Variants in NHSL2 observed in about 807,000 individuals in gnomAD.
The protein encoded by NHSL2 is NHS-like protein 2.
In NHSL2, 27 loss-of-function variants were observed where a neutral mutation model predicts 53.4. The observed-to-expected ratio is 0.51, with a 90% CI of 0.37 to 0.70. The LOEUF (loss-of-function observed/expected upper bound fraction) is 0.70, where lower values mean the gene tolerates loss of function less well. Ranked by LOEUF, NHSL2 falls within the 30% of genes least tolerant of loss-of-function variation. The pLI is 0.00. For synonymous variants in NHSL2, 408 were observed against 404.1 expected (o/e 1.01, Z -0.12); for missense variants, 892 against 980.1 (o/e 0.91, Z 1.20).
At chrX:72,011,140 C>A (rs748113521) in intron 1 of NHSL2, among the ~76,000 whole-genome samples, 1 of 112,029 alleles carries the variant, frequency 8.9e-6, no homozygotes, top group Non-Finnish European at 1.9e-5. Context: ...TAATCTGCTC[C>A]TTTTTATTGC....
At chrX:72,087,676 C>A (rs1477838147) in intron 1 of NHSL2, among the ~76,000 whole-genome samples, 1 of 109,321 alleles carries the variant, frequency 9.1e-6, no homozygotes, top group African/African-American at 3.3e-5. Flanking sequence ...TCAAGACCAG[C>A]CTGGCCAACA....
intron 1 of NHSL2, chrX:72,069,726 A>C (rs776960047): frequency 2.1e-6 from 2 of 931,961 alleles, no homozygotes; most frequent in African/African-American, 4.1e-5. Context: ...GAGGAGTAAA[A>C]GCCAAAGCAG....
intron 1 of NHSL2, among the ~76,000 whole-genome samples, chrX:72,089,052 G>T (rs2041874614): frequency 9.0e-6 from 1 of 110,967 alleles, no homozygotes; most frequent in South Asian, 3.8e-4. Context: ...GTCCTCCAGG[G>T]ACTTATATTC....
chrX:72,084,884 G>A (rs186892307), intron 1 of NHSL2, among the ~76,000 whole-genome samples: 111 of 111,615 alleles, frequency 9.9e-4, no homozygotes, highest in African/African-American at 3.3e-3. Context: ...TCCAGTCACC[G>A]GGCTTACAGG....
rs1231283924 is a variant in NHSL2 at position 72,084,209 on chromosome X, G to C, written c.281-47870G>C. On this transcript the variant is annotated intron_variant, in intron 1 of 7. Transcript: ENST00000633930. ...TTATAAGAAAAGCTTGAGAAGAGAGGGGGAGAGAGAATATAACTGTGAGTG... is the reference window on the plus strand; with the variant it reads ...TTATAAGAAAAGCTTGAGAAGAGAGCGGGAGAGAGAATATAACTGTGAGTG... Among the ~76,000 whole-genome samples, 3 of 111,981 alleles carry C rather than the reference G, an allele frequency of 2.7e-5. No homozygotes were observed. The East Asian group carries it at 8.4e-4, about 31-fold the overall frequency.
At chrX:71,918,122 A>G (rs1359251327) in intron 1 of NHSL2, among the ~76,000 whole-genome samples, 2 of 111,599 alleles carry the variant, frequency 1.8e-5, no homozygotes, top group South Asian at 3.8e-4. Context: ...AAGGCTAGAC[A>G]GAGCAGGAGG....
At chrX:71,980,629 A>G (rs1261794312) in intron 1 of NHSL2, among the ~76,000 whole-genome samples, 2 of 107,886 alleles carry the variant, frequency 1.9e-5, no homozygotes, top group African/African-American at 3.4e-5. Flanking sequence ...ATATGTGCAT[A>G]AGGATAAGTT....
At chrX:72,065,726 G>A (rs767460750) in intron 1 of NHSL2, among the ~76,000 whole-genome samples, 1 of 112,194 alleles carries the variant, frequency 8.9e-6, no homozygotes, top group African/African-American at 3.2e-5. Context: ...ATGGAAGCTG[G>A]GGAGGTTAAG....
At chrX:72,069,824 C>A in intron 1 of NHSL2, 1 of 566,738 alleles carries the variant, frequency 1.8e-6, no homozygotes, top group Non-Finnish European at 2.4e-6. Flanking sequence ...CCATGCGGGG[C>A]CCCTGACCCT....
chrX:71,954,306 A>G (rs1323819680), intron 1 of NHSL2, among the ~76,000 whole-genome samples: 1 of 112,079 alleles, frequency 8.9e-6, no homozygotes, highest in Non-Finnish European at 1.9e-5. Context: ...CTTGCCCACC[A>G]TCACACAGCA....
At chrX:72,015,834 GT>G (rs1454301899) in intron 1 of NHSL2, among the ~76,000 whole-genome samples, 1 of 111,774 alleles carries the variant, frequency 8.9e-6, no homozygotes, top group African/African-American at 3.3e-5. Flanking sequence ...ATTTTGAGTT[GT>G]TTACCTTTTT....
intron 1 of NHSL2, among the ~76,000 whole-genome samples, chrX:71,959,378 A>G (rs2041857765): frequency 8.9e-6 from 1 of 112,944 alleles, no homozygotes; most frequent in Non-Finnish European, 1.9e-5. Context: ...GAGTCTTACT[A>G]GTATATTTCT....
At chrX:72,049,673 T>A (rs1467607834) in intron 1 of NHSL2, among the ~76,000 whole-genome samples, 1 of 108,614 alleles carries the variant, frequency 9.2e-6, no homozygotes, top group Non-Finnish European at 1.9e-5. Flanking sequence ...ATCACCCTTT[T>A]ACTGCCAGTG....
chrX:71,954,842 G>T (rs1267586733), intron 1 of NHSL2, among the ~76,000 whole-genome samples: 1 of 112,555 alleles, frequency 8.9e-6, no homozygotes, highest in Non-Finnish European at 1.9e-5. Context: ...GCCTAAAGCA[G>T]AAGCAAAGGC....
intron 1 of NHSL2, among the ~76,000 whole-genome samples, chrX:72,072,452 C>A (rs770330532): frequency 9.0e-6 from 1 of 111,572 alleles, no homozygotes; most frequent in Non-Finnish European, 1.9e-5. Flanking sequence ...ATGATTGGGC[C>A]CCTCCTACTT....
chrX:71,950,238 A>C lies in NHSL2; in HGVS notation c.280+38871A>C, dbSNP rs928606552. Reference sequence around the variant, plus strand: ...GCCGAGCTGTCCATCTGGCCCAGGCAAGAGGCAAAGGATAACTTCCAGAAA... The same window carrying C: ...GCCGAGCTGTCCATCTGGCCCAGGCCAGAGGCAAAGGATAACTTCCAGAAA... On this transcript the variant is annotated intron_variant, in intron 1 of 7. Transcript: ENST00000633930. Among the ~76,000 whole-genome samples the C allele has an allele frequency of 2.7e-5, 3 of 112,946 alleles. No individual in the cohort carries two copies. In the Admixed American group the frequency reaches 2.8e-4, roughly 10 times the overall value.
intron 1 of NHSL2, among the ~76,000 whole-genome samples, chrX:71,945,479 G>A (rs959453282): frequency 3.6e-5 from 4 of 111,506 alleles, no homozygotes; most frequent in Non-Finnish European, 5.7e-5. Flanking sequence ...GTGCTCCTGC[G>A]TCCCCCCACC....
intron 1 of NHSL2, among the ~76,000 whole-genome samples, chrX:71,954,760 C>A (rs2041835524): frequency 8.9e-6 from 1 of 112,077 alleles, no homozygotes; most frequent in Admixed American, 9.4e-5. Flanking sequence ...TCACCATGTG[C>A]CTTCTCTGGA....
intron 1 of NHSL2, among the ~76,000 whole-genome samples, chrX:71,911,751 C>T (rs1423087788): frequency 3.5e-5 from 4 of 112,965 alleles, no homozygotes; most frequent in African/African-American, 1.3e-4. Flanking sequence ...GCGTCGGGAG[C>T]TAAATGGCCG....
Sources: gnomAD v4.1 joint callset for allele counts (sites outside exome capture counted in the v4.1 genomes callset) on GRCh38, gnomAD v4.1.1 for gene constraint, MANE v1.5 for transcripts, NCBI Gene and HGNC (gene_info 2026-07-23, HGNC 2026-07-21) for gene names.